The following TLR1 variants were observed in gnomAD, a reference collection of about 807,000 sequenced individuals.
TLR1 encodes toll like receptor 1.
Under a neutral mutation model 20.2 loss-of-function variants are expected in TLR1, and 19 were observed. That is an observed-to-expected ratio of 0.94 (90% CI 0.66 to 1.38). TLR1 has a LOEUF of 1.38. Ranked by LOEUF, TLR1 falls within the 40% of genes most tolerant of loss-of-function variation. The pLI is 0.00. For missense variants in TLR1, 921 were observed against 910.0 expected (o/e 1.01, Z -0.16); for synonymous variants, 320 against 334.5 (o/e 0.96, Z 0.47).
Position 38,798,721 on chromosome 4 carries a change from G to A in TLR1, c.111C>T (p.Ile37=), listed in dbSNP as rs760321849. 1.2e-6 allele frequency: 2 copies of A among 1,613,598 alleles called. No homozygotes were observed. Among genetic ancestry groups the A allele is most frequent in the South Asian group, 1.1e-5 (1 of 90,994 alleles). Reference sequence around the variant, plus strand: ...TCTGGGATAGGTCTTTAGGAACGTGGATGAGACCGTTTTTTGACCTATCAA... The same window carrying A: ...TCTGGGATAGGTCTTTAGGAACGTGAATGAGACCGTTTTTTGACCTATCAA... The part of the protein sequence containing the change: ...FLVDRSKNGL[I]HVPKDLSQKT... Residue 37 remains isoleucine, a synonymous_variant, in exon 4 of 4, where the codon ATC becomes ATT. Coordinates refer to ENST00000308979, the MANE Select transcript of TLR1 (RefSeq NM_003263.4).
exon 4 of TLR1, chr4:38,790,906 G>A (rs1398888120): frequency 6.6e-6 from 1 of 152,164 alleles, no homozygotes; most frequent in East Asian, 1.9e-4. Flanking sequence ...CATCCTCATA[G>A]GTCTGCCTGT....
chr4:38,788,022 C>T (rs1466449793), downstream of TLR1, among the ~76,000 whole-genome samples: 4 of 152,136 alleles, frequency 2.6e-5, no homozygotes, highest in Non-Finnish European at 5.9e-5. Flanking sequence ...TTAGAACCCA[C>T]GTCCTCAGAA....
chr4:38,798,514 C>T lies in TLR1; in HGVS notation c.318G>A (p.Val106=), dbSNP rs2109353601. The part of the protein sequence containing the change: ...EYLDLSHNKL[V]KISCHPTVNL... ...TCACAGTAGGGTGGCAAGAAATCTT[C>T]ACCAACTTGTTGTGGGACAAATCCA... is the stretch of plus-strand genomic sequence containing the variant. Residue 106 remains valine (V), a synonymous_variant, in exon 4 of 4, where the codon GTG becomes GTA. Coordinates refer to ENST00000308979, the MANE Select transcript of TLR1 (RefSeq NM_003263.4). 6.2e-7 allele frequency: 1 copy of T among 1,614,150 alleles called. No homozygotes were observed. Among genetic ancestry groups the T allele is most frequent in the South Asian group, 1.1e-5 (1 of 91,084 alleles).
rs150324397 is a variant in TLR1, at chr4:38,798,953, C to T, written c.-67-55G>A. 1.0e-4 allele frequency: 88 copies of T among 859,540 alleles called. 1 individual carries two copies. The highest frequency in any genetic ancestry group is 8.8e-4 in the African/African-American group (51 of 57,788). 53.2% of individuals were successfully genotyped at this position (859,540 alleles called of 1,614,324 possible). On this transcript the variant is annotated intron_variant, in intron 3 of 3. Transcript: ENST00000308979. ...ACATTACATACATTTTTAAAATACACGAAATTAGTCATGGCTGACATTAAA... is the reference window on the plus strand; with the variant it reads ...ACATTACATACATTTTTAAAATACATGAAATTAGTCATGGCTGACATTAAA...
chr4:38,804,474 G>A (rs748084367), intron 1 of TLR1, 92 bp from the exon 2 acceptor site: 4 of 152,188 alleles, frequency 2.6e-5, no homozygotes, highest in African/African-American at 4.8e-5. Flanking sequence ...ACCAGAAGAC[G>A]TGTGTGACCC....
downstream of TLR1, among the ~76,000 whole-genome samples, chr4:38,789,605 G>C (rs530845096): frequency 6.6e-6 from 1 of 152,094 alleles, no homozygotes; most frequent in East Asian, 1.9e-4. Flanking sequence ...TGAGATTACA[G>C]GCACGCACAA....
chr4:38,789,986 T>G (rs1037607031), downstream of TLR1, among the ~76,000 whole-genome samples: 1 of 152,216 alleles, frequency 6.6e-6, no homozygotes, highest in African/African-American at 2.4e-5. Flanking sequence ...TTTTCAATGC[T>G]TCTATGATAA....
Position 38,798,447 on chromosome 4 carries a change from G to A in TLR1, c.385C>T (p.Leu129=). The change falls in exon 4 of 4, where the codon CTG becomes TTG. Residue 129 remains leucine (L), a synonymous_variant. Coordinates refer to ENST00000308979, the MANE Select transcript of TLR1 (RefSeq NM_003263.4). ...LDLSFNAFDA[L]PICKEFGNMS... ...TTGCCAAACTCTTTGCATATAGGCA[G>A]GGCATCAAATGCATTAAATGACAGG... 1.2e-6 allele frequency: 2 copies of A among 1,613,936 alleles called. No individual in the cohort carries two copies. The highest frequency in any genetic ancestry group is 1.7e-6 in the Non-Finnish European group (2 of 1,179,896).
Position 38,798,010 on chromosome 4 carries a change from C to A in TLR1, c.822G>T (p.Trp274Cys). 6.2e-7 allele frequency: 1 copy of A among 1,614,130 alleles called. No homozygotes were observed. The highest frequency in any genetic ancestry group is 8.5e-7 in the Non-Finnish European group (1 of 1,180,016). Reference sequence around the variant, plus strand: ...GCTTCACGTTTGAAATTGAGAAATACCATACAGTTGTATGCCAAACCAGCT... The same window carrying A: ...GCTTCACGTTTGAAATTGAGAAATAACATACAGTTGTATGCCAAACCAGCT... ...ILQLVWHTTV[W>C]YFSISNVKLQ... Residue 274 changes from tryptophan to cysteine, a missense_variant, in exon 4 of 4, where the codon TGG becomes TGT. Transcript: ENST00000308979.
At chr4:38,793,884 T>TA (rs10660494), downstream of TLR1, among the ~76,000 whole-genome samples, 9,736 of 140,754 alleles carry the variant, frequency 0.069, 761 homozygotes, top group African/African-American at 0.19. Context: ...GTGTCCTTAT[T>TA]AAAAAAAAAA....
downstream of TLR1, among the ~76,000 whole-genome samples, chr4:38,791,644 A>G (rs984223799): frequency 1.3e-5 from 2 of 152,200 alleles, no homozygotes; most frequent in African/African-American, 4.8e-5. Flanking sequence ...AGCCCAGGAT[A>G]ATCTAGATGA....
Position 38,798,519 on chromosome 4 carries a change from A to C in TLR1, c.313T>G (p.Leu105Val). The C allele has an allele frequency of 2.5e-6, 4 of 1,614,192 alleles. No individual in the cohort carries two copies. Among genetic ancestry groups the C allele is most frequent in the Non-Finnish European group, 3.4e-6 (4 of 1,180,030 alleles). ...LEYLDLSHNK[L>V]VKISCHPTVN... is the part of the protein sequence containing the mutation. The stretch of plus-strand genomic sequence containing the variant: ...GTAGGGTGGCAAGAAATCTTCACCA[A>C]CTTGTTGTGGGACAAATCCAAGTAT... The change falls in exon 4 of 4, where the codon TTG (leucine) becomes GTG (valine). Residue 105 changes from leucine (L) to valine (V), a missense_variant. By Grantham distance (32) the Leu-to-Val change is conservative. Transcript: ENST00000308979.
At position 38,798,238 on chromosome 4, in the gene TLR1, TG is replaced by T. The variant is rs751195624; in HGVS notation, c.593del (p.Thr198LysfsTer16). ...NTESLHIVFP[T>X]NKEFHFILDV... ...CCAAAATAAAATGGAATTCTTTGTT[TG>T]TGGGGAACACAATGTGCAGACTCTC... is the stretch of plus-strand genomic sequence containing the variant. On this transcript the variant is annotated frameshift_variant, in exon 4 of 4. Coordinates refer to ENST00000308979, the MANE Select transcript of TLR1 (RefSeq NM_003263.4). LOFTEE classifies it low-confidence loss of function (END_TRUNC). The T allele has an allele frequency of 3.5e-5, 56 of 1,613,702 alleles. No individual in the cohort carries two copies. The highest frequency in any genetic ancestry group is 1.8e-4 in the East Asian group (8 of 44,890).
chr4:38,800,461 C>T (rs1004310592), intron 3 of TLR1: 4 of 152,146 alleles, frequency 2.6e-5, no homozygotes, highest in Admixed American at 6.5e-5. Context: ...CAGTGGTAGG[C>T]ACTGTTCTAG....
At chr4:38,795,242 A>T (rs560832331), downstream of TLR1, among the ~76,000 whole-genome samples, 1 of 152,354 alleles carries the variant, frequency 6.6e-6, no homozygotes, top group African/African-American at 2.4e-5. Flanking sequence ...TTCTACAAGC[A>T]TCCCACGCAG....
Position 38,796,953 on chromosome 4 carries a change from G to T in TLR1, c.1879C>A (p.Pro627Thr). ...AGATTTCTTTGGAGTTCTTCTAAGG[G>T]TATGTTCCTGGCCCTGCGCCGGGTC... ...TQTRRRARNI[P>T]LEELQRNLQF... Residue 627 changes from proline (P) to threonine (T), a missense_variant, in exon 4 of 4, where the codon CCC becomes ACC. Transcript: ENST00000308979. 1 of 1,614,178 alleles carries T rather than the reference G, an allele frequency of 6.2e-7. No individual in the cohort carries two copies. Among genetic ancestry groups the T allele is most frequent in the Non-Finnish European group, 8.5e-7 (1 of 1,180,036 alleles).
chr4:38,792,209 C>A (rs1045113145), downstream of TLR1, among the ~76,000 whole-genome samples: 26 of 152,214 alleles, frequency 1.7e-4, no homozygotes, highest in African/African-American at 6.0e-4. Flanking sequence ...TGCCGGTTTA[C>A]AAAGCCCAGC....
downstream of TLR1, among the ~76,000 whole-genome samples, chr4:38,793,862 C>T (rs999745667): frequency 6.6e-6 from 1 of 151,326 alleles, no homozygotes; most frequent in African/African-American, 2.4e-5. Flanking sequence ...GGGCCCTAAT[C>T]CAATGTAATT....
downstream of TLR1, among the ~76,000 whole-genome samples, chr4:38,789,475 CT>C (rs1560450501): frequency 6.7e-6 from 1 of 150,090 alleles, no homozygotes; most frequent in Non-Finnish European, 1.5e-5. Context: ...CTTTTTTTTT[CT>C]TTTTCTTTTC....
Sources: gnomAD v4.1 joint callset for allele counts (sites outside exome capture counted in the v4.1 genomes callset) on GRCh38, gnomAD v4.1.1 for gene constraint, MANE v1.5 for transcripts, NCBI Gene and HGNC (gene_info 2026-07-23, HGNC 2026-07-21) for gene names.